Variants in PCDHGA8 observed in about 807,000 individuals in gnomAD.
The protein encoded by PCDHGA8 is protocadherin gamma subfamily A, 8.
In PCDHGA8, 45 loss-of-function variants were observed where a neutral mutation model predicts 59.2. The ratio of observed to expected loss-of-function variants is 0.76; its 90% CI spans 0.60 to 0.98. The LOEUF (loss-of-function observed/expected upper bound fraction) is 0.98. Among genes scored for constraint, PCDHGA8 ranks in the 50% least tolerant of loss-of-function variants. The probability of loss-of-function intolerance (pLI) is 0.00; values close to 1 mark genes in which losing one functional copy is unlikely to be tolerated. For synonymous variants in PCDHGA8, 531 were observed against 519.0 expected (o/e 1.02, Z -0.32); for missense variants, 1,257 against 1,196.2 (o/e 1.05, Z -0.75).
At chr5:141,441,859 G>T in intron 1 of PCDHGA8, 1 of 348,078 alleles carries the variant, frequency 2.9e-6, no homozygotes. Context: ...GGTGCTGCAC[G>T]CCGCGGAGCC....
At chr5:141,415,656 T>C (rs1211470385) in intron 1 of PCDHGA8, 9 of 1,585,542 alleles carry the variant, frequency 5.7e-6, no homozygotes, top group African/African-American at 1.4e-5. Flanking sequence ...AAAAAAAGAT[T>C]GGTTTTTACT....
rs2093111751 is a variant in PCDHGA8 at position 141,394,844 on chromosome 5, T to C, written c.2031T>C (p.Ser677=). 1 of 1,613,752 alleles carries C rather than the reference T, an allele frequency of 6.2e-7. No homozygotes were observed. ...CCGAAGTCCTGACCGAGTTGGGCAG[T>C]CTGAAGCCTTCGGTCGACCCGAACG... The part of the protein sequence containing the change: ...SIPEVLTELG[S]LKPSVDPNDS... The change falls in exon 1 of 4, where the codon AGT becomes AGC. Residue 677 remains serine, a synonymous_variant. Coordinates refer to ENST00000398604, the MANE Select transcript of PCDHGA8 (RefSeq NM_032088.2).
At chr5:141,415,420 G>A in intron 1 of PCDHGA8, 2 of 1,614,226 alleles carry the variant, frequency 1.2e-6, no homozygotes, top group Non-Finnish European at 1.7e-6. Flanking sequence ...GGGCGTGGAC[G>A]GGGTTCGGGC....
intron 1 of PCDHGA8, chr5:141,427,909 C>G: frequency 6.3e-7 from 1 of 1,576,922 alleles, no homozygotes; most frequent in Non-Finnish European, 8.7e-7. Context: ...GCGCTCAGCG[C>G]CAACATGAGC....
In PCDHGA8 at chr5:141,490,291, C is replaced by T; in HGVS notation, c.2425-4516C>T. 6.2e-7 allele frequency: 1 copy of T among 1,614,212 alleles called. No homozygotes were observed. Among genetic ancestry groups the T allele is most frequent in the Non-Finnish European group, 8.5e-7 (1 of 1,180,048 alleles). On this transcript the variant is annotated intron_variant, in intron 1 of 3. Transcript: ENST00000398604. The surrounding 1 kb of genome is among the most constrained non-coding windows in gnomAD (Gnocchi z 5.4). ...TGTCAATGACAATGCCCCAGAGGTG[C>T]TATTGGCCTCTTTGGCCAACCCTGT...
chr5:141,428,609 A>G, intron 1 of PCDHGA8: 1 of 215,052 alleles, frequency 4.7e-6, no homozygotes, highest in South Asian at 7.9e-5. Context: ...ACTGAAGAGA[A>G]TAACAAGATA....
At chr5:141,409,241 A>G in intron 1 of PCDHGA8, 1 of 1,614,038 alleles carries the variant, frequency 6.2e-7, no homozygotes. Context: ...CAGCCCAGAA[A>G]TAATCATCAC....
intron 1 of PCDHGA8, chr5:141,398,760 C>T: frequency 6.2e-7 from 1 of 1,613,898 alleles, no homozygotes; most frequent in Non-Finnish European, 8.5e-7. Flanking sequence ...ATCGTTTAGT[C>T]CTGACTGCCT....
chr5:141,496,621 C>A (rs1297797187), intron 2 of PCDHGA8, among the ~76,000 whole-genome samples: 1 of 152,214 alleles, frequency 6.6e-6, no homozygotes. Context: ...AGCAGCAGAT[C>A]AAAAGGCTTG....
rs1236961370 is a variant in PCDHGA8, at chr5:141,512,621, C to T, written c.*1448C>T. 1 of 152,964 alleles carries T rather than the reference C, an allele frequency of 6.5e-6. No homozygotes were observed. The highest frequency in any genetic ancestry group is 1.5e-5 in the Non-Finnish European group (1 of 68,612). 9.5% of individuals were successfully genotyped at this position (152,964 alleles called of 1,614,324 possible). A position where few individuals can be genotyped will look rare whatever the true frequency, so the allele number is the denominator to read the frequency against. Reference sequence around the variant, plus strand: ...CCATCCAGCGGGGCTGCCAGAGAACCCCAGACCTGCCCTTACAGTAGTGTA... The same window carrying T: ...CCATCCAGCGGGGCTGCCAGAGAACTCCAGACCTGCCCTTACAGTAGTGTA... On this transcript the variant is annotated 3_prime_UTR_variant, in exon 4 of 4. Coordinates refer to ENST00000398604, the MANE Select transcript of PCDHGA8 (RefSeq NM_032088.2).
rs1554116833 is a variant in PCDHGA8, at chr5:141,423,756, G to GGT, written c.2424+28520_2424+28521insTG. 2.2e-4 allele frequency: 100 copies of GGT among 448,536 alleles called. 2 individuals carry two copies. The highest frequency in any genetic ancestry group is 2.1e-3 in the African/African-American group (74 of 35,668). The allele number at this position is 448,536 out of a possible 1,614,324, so 27.8% of individuals were successfully genotyped here. On this transcript the variant is annotated intron_variant, in intron 1 of 3. Coordinates refer to ENST00000398604, the MANE Select transcript of PCDHGA8 (RefSeq NM_032088.2). ...GCCTGTTATGAAAACTGTTTGGGGG[G>GGT]GGGGTGGGGCGGCATATATTTAGTT...
Position 141,510,979 on chromosome 5 carries a change from G to A in PCDHGA8, c.2605G>A (p.Gly869Ser). 6.2e-7 allele frequency: 1 copy of A among 1,614,156 alleles called. No homozygotes were observed. The highest frequency in any genetic ancestry group is 8.5e-7 in the Non-Finnish European group (1 of 1,180,018). Reference sequence around the variant, plus strand: ...TGATGGGAGCTCCACCCTGGGAGGGGGTGCCGGCACCATGGGATTGAGCGC... The same window carrying A: ...TGATGGGAGCTCCACCCTGGGAGGGAGTGCCGGCACCATGGGATTGAGCGC... ...AADGSSTLGG[G>S]AGTMGLSARY... The change falls in exon 4 of 4, where the codon GGT becomes AGT. Residue 869 changes from glycine (G) to serine (S), a missense_variant. Physicochemically the swap from Gly to Ser is moderately conservative, Grantham distance 56. Transcript: ENST00000398604.
Position 141,485,048 on chromosome 5 carries a change from C to T in PCDHGA8, c.2425-9759C>T. ...AAACGGCGCGTAACCCTTGCGGCGC[C>T]GGCCGAACCGCGCCAGAGCTGGCGC... On this transcript the variant is annotated intron_variant, in intron 1 of 3. Transcript: ENST00000398604. The surrounding 1 kb of genome is among the most constrained non-coding windows in gnomAD (Gnocchi z 5.7). 1 of 770,392 alleles carries T rather than the reference C, an allele frequency of 1.3e-6. No individual in the cohort carries two copies. Among genetic ancestry groups the T allele is most frequent in the South Asian group, 1.7e-5 (1 of 58,120 alleles). 47.7% of individuals were successfully genotyped at this position (770,392 alleles called of 1,614,324 possible). A position where few individuals can be genotyped will look rare whatever the true frequency, so the allele number is the denominator to read the frequency against.
Position 141,399,482 on chromosome 5 carries a change from C to T in PCDHGA8, c.2424+4245C>T, listed in dbSNP as rs559370708. 8.1e-6 allele frequency: 13 copies of T among 1,613,934 alleles called. No individual in the cohort carries two copies. In the South Asian group the frequency reaches 1.3e-4, roughly 16 times the overall value. ...AACGCTCCGGTTTTCCACCAGGCGT[C>T]CTACTTAGTCAGTGTACCCGAAAAC... On this transcript the variant is annotated intron_variant, in intron 1 of 3. Coordinates refer to ENST00000398604, the MANE Select transcript of PCDHGA8 (RefSeq NM_032088.2).
chr5:141,415,760 T>G (rs779762678), intron 1 of PCDHGA8: 355 of 1,388,296 alleles, frequency 2.6e-4, no homozygotes, highest in East Asian at 7.0e-4. Flanking sequence ...TTTTTTTTTT[T>G]TTTTTTTTTT....
intron 1 of PCDHGA8, among the ~76,000 whole-genome samples, chr5:141,444,229 T>G (rs957213677): frequency 4.6e-5 from 6 of 130,226 alleles, no homozygotes; most frequent in Admixed American, 9.4e-5. Context: ...TGGAGTGCAA[T>G]GGCATGCTCT....
intron 1 of PCDHGA8, chr5:141,413,285 A>G: frequency 1.9e-6 from 3 of 1,613,892 alleles, no homozygotes; most frequent in Non-Finnish European, 2.5e-6. Flanking sequence ...CAGATCTCCT[A>G]CTCAATTCCT....
intron 1 of PCDHGA8, among the ~76,000 whole-genome samples, chr5:141,483,310 A>G (rs2099579870): frequency 6.6e-6 from 1 of 152,156 alleles, no homozygotes; most frequent in African/African-American, 2.4e-5. Context: ...GACTGGGGAC[A>G]TTGGGACTGG....
intron 1 of PCDHGA8, among the ~76,000 whole-genome samples, chr5:141,472,718 G>A (rs980710833): frequency 1.3e-5 from 2 of 152,002 alleles, no homozygotes; most frequent in Non-Finnish European, 2.9e-5. Context: ...AGGCGCTGTG[G>A]CTCACACCTG....
Sources: allele counts gnomAD v4.1 joint callset (sites outside exome capture counted in the v4.1 genomes callset), GRCh38; gene constraint gnomAD v4.1.1; non-coding constraint Gnocchi (gnomAD v3.1); transcripts MANE v1.5; gene names NCBI Gene and HGNC (gene_info 2026-07-23, HGNC 2026-07-21).